Variants in CDH18 observed in about 807,000 individuals in gnomAD.
The protein encoded by CDH18 is cadherin 18.
A neutral mutation model predicts 67.9 loss-of-function variants in CDH18; 31 were observed. That is an observed-to-expected ratio of 0.46 (90% confidence interval 0.34 to 0.62). The LOEUF (loss-of-function observed/expected upper bound fraction) is 0.62, where lower values mean the gene tolerates loss of function less well. Among genes scored for constraint, CDH18 ranks in the 20% least tolerant of loss-of-function variants. The pLI, the probability that CDH18 is intolerant of heterozygous loss-of-function variation, is 0.01. For missense variants in CDH18, 890 were observed against 975.5 expected, an observed-to-expected ratio of 0.91 and a Z score of 1.17; for synonymous variants, 362 against 347.2, an observed-to-expected ratio of 1.04 and a Z score of -0.48.
chr5:20,370,077 C>T (rs568308432), intron 1 of CDH18, among the ~76,000 whole-genome samples: 13 of 152,024 alleles, frequency 8.6e-5, no homozygotes, highest in African/African-American at 3.1e-4. Flanking sequence ...TTCAAAGTTT[C>T]CTTTAGTAAT....
intron 1 of CDH18, among the ~76,000 whole-genome samples, chr5:20,492,725 T>C (rs543934496): frequency 5.3e-5 from 8 of 151,718 alleles, no homozygotes; most frequent in African/African-American, 2.0e-4. Flanking sequence ...CACATACTCA[T>C]ATTAGAATAC....
intron 2 of CDH18, among the ~76,000 whole-genome samples, chr5:20,034,591 A>T (rs936668822): frequency 1.5e-4 from 23 of 151,996 alleles, no homozygotes; most frequent in Non-Finnish European, 3.1e-4. Flanking sequence ...GAAGGTCTGA[A>T]TATTTTCTCT....
intron 1 of CDH18, among the ~76,000 whole-genome samples, chr5:20,458,126 G>A (rs1189160962): frequency 6.6e-6 from 1 of 152,036 alleles, no homozygotes; most frequent in African/African-American, 2.4e-5. Context: ...TTATTTGTTT[G>A]TTTGTTTTTG....
intron 5 of CDH18, among the ~76,000 whole-genome samples, chr5:19,666,927 G>A (rs1436729612): frequency 1.3e-5 from 2 of 151,994 alleles, no homozygotes; most frequent in East Asian, 1.9e-4. Flanking sequence ...GAGGACAAAT[G>A]TATCAAAGGA....
At chr5:19,657,060 T>C (rs1756506534) in intron 5 of CDH18, among the ~76,000 whole-genome samples, 1 of 152,120 alleles carries the variant, frequency 6.6e-6, no homozygotes, top group African/African-American at 2.4e-5. Flanking sequence ...ACAGGATATG[T>C]AACATATTAA....
intron 1 of CDH18, among the ~76,000 whole-genome samples, chr5:20,293,454 A>AAAAAG (rs142646170): frequency 2.0e-5 from 3 of 152,190 alleles, no homozygotes; most frequent in African/African-American, 7.2e-5. Flanking sequence ...TGCTGAATAA[A>AAAAAG]AAAAGAAAAG....
At chr5:19,494,746 G>T (rs1355867614) in intron 11 of CDH18, among the ~76,000 whole-genome samples, 1 of 152,092 alleles carries the variant, frequency 6.6e-6, no homozygotes, top group Non-Finnish European at 1.5e-5. Context: ...ACATAGTAAG[G>T]GATCGTAGGT....
intron 2 of CDH18, among the ~76,000 whole-genome samples, chr5:20,213,365 T>C (rs1447982331): frequency 1.3e-5 from 2 of 152,096 alleles, no homozygotes; most frequent in African/African-American, 4.8e-5. Flanking sequence ...TTTTTTGTTG[T>C]GCTCAGCATC....
intron 1 of CDH18, among the ~76,000 whole-genome samples, chr5:20,460,698 TG>T (rs1751205296): frequency 6.6e-6 from 1 of 152,178 alleles, no homozygotes; most frequent in East Asian, 1.9e-4. Context: ...AATTCTGCTA[TG>T]GATGAACTCT....
At chr5:20,043,287 G>A (rs1448856592) in intron 2 of CDH18, among the ~76,000 whole-genome samples, 4 of 151,946 alleles carry the variant, frequency 2.6e-5, no homozygotes, top group African/African-American at 4.8e-5. Flanking sequence ...TCATGATAGC[G>A]AAAATTTTCC....
At position 19,751,606 on chromosome 5, in the gene CDH18, C is replaced by A. The variant is rs910309886; in HGVS notation, c.229-4370G>T. 9.9e-5 allele frequency among the ~76,000 whole-genome samples: 15 copies of A among 151,978 alleles called. No individual in the cohort carries two copies. In the East Asian group the frequency reaches 2.3e-3, roughly 24 times the overall value. ...ATGTATTACATTCTTAAAGTATAGGCAAATGAAACAAAAATCAATCCAACT... is the reference window on the plus strand; with the variant it reads ...ATGTATTACATTCTTAAAGTATAGGAAAATGAAACAAAAATCAATCCAACT... On this transcript the variant is annotated intron_variant, in intron 3 of 12. Coordinates refer to ENST00000382275, the MANE Select transcript of CDH18 (RefSeq NM_004934.5).
chr5:19,850,463 CAA>C (rs1004265947), intron 2 of CDH18, among the ~76,000 whole-genome samples: 17 of 151,942 alleles, frequency 1.1e-4, no homozygotes, highest in African/African-American at 3.9e-4. Flanking sequence ...TTAGAAAAAT[CAA>C]AGTCATGCAT....
At chr5:19,509,422 T>C (rs72743573) in intron 10 of CDH18, among the ~76,000 whole-genome samples, 1 of 152,264 alleles carries the variant, frequency 6.6e-6, no homozygotes, top group Non-Finnish European at 1.5e-5. Flanking sequence ...AAAATGCCCA[T>C]GTAACCTCTC....
At chr5:20,365,271 G>T (rs1262266759) in intron 1 of CDH18, among the ~76,000 whole-genome samples, 1 of 152,066 alleles carries the variant, frequency 6.6e-6, no homozygotes, top group Non-Finnish European at 1.5e-5. Context: ...TATTTTCAAG[G>T]CTTATCATGA....
chr5:19,977,146 C>CA (rs985151092), intron 2 of CDH18, among the ~76,000 whole-genome samples: 1 of 151,834 alleles, frequency 6.6e-6, no homozygotes, highest in Non-Finnish European at 1.5e-5. Flanking sequence ...ATTAAAGGAA[C>CA]AAAAAAATAA....
intron 2 of CDH18, among the ~76,000 whole-genome samples, chr5:19,873,096 A>C (rs1786506748): frequency 6.6e-6 from 1 of 151,854 alleles, no homozygotes; most frequent in Non-Finnish European, 1.5e-5. Context: ...GTTACATGTT[A>C]TGGCTAGTTT....
chr5:19,880,006 T>C (rs1228065346), intron 2 of CDH18, among the ~76,000 whole-genome samples: 1 of 152,070 alleles, frequency 6.6e-6, no homozygotes, highest in Non-Finnish European at 1.5e-5. Context: ...AATGTATTTC[T>C]ATTTAGGGGC....
At position 20,161,037 on chromosome 5, in the gene CDH18, C is replaced by CA. The variant is rs1735850882; in HGVS notation, c.-518+94406dup. Among the ~76,000 whole-genome samples, 25 of 152,150 alleles carry CA rather than the reference C, an allele frequency of 1.6e-4. 1 individual carries two copies. The highest frequency in any genetic ancestry group is 1.6e-3 in the Admixed American group (25 of 15,284). On this transcript the variant is annotated intron_variant, in intron 2 of 14. Transcript: ENST00000507958. ...ACTGACTGTGGCTGCTGTTGTGTTA[C>CA]AACAGAACTGAGTGTTTGGAAAAGA...
chr5:19,519,902 C>A (rs535801055), intron 10 of CDH18, among the ~76,000 whole-genome samples: 148 of 152,276 alleles, frequency 9.7e-4, no homozygotes, highest in Non-Finnish European at 1.7e-3. Context: ...ACAGCCCTAG[C>A]AGACACCTTG....
Sources: allele counts gnomAD v4.1 joint callset (sites outside exome capture counted in the v4.1 genomes callset), GRCh38; gene constraint gnomAD v4.1.1; transcripts MANE v1.5; gene names NCBI Gene and HGNC (gene_info 2026-07-23, HGNC 2026-07-21).